The following MED15 variants were observed in gnomAD, a reference collection of about 807,000 sequenced individuals.
MED15 encodes mediator of RNA polymerase II transcription subunit 15.
Under a neutral mutation model 118.7 loss-of-function variants are expected in MED15, and 41 were observed. The ratio of observed to expected loss-of-function variants is 0.35; its 90% CI spans 0.27 to 0.45. The LOEUF (loss-of-function observed/expected upper bound fraction) is 0.45, where lower values mean the gene tolerates loss of function less well. Among genes scored for constraint, MED15 ranks in the 20% least tolerant of loss-of-function variants. MED15 has a pLI of 1.00. For missense variants in MED15, 740 were observed against 1,025.5 expected, an observed-to-expected ratio of 0.72 and a Z score of 3.80; for synonymous variants, 436 against 413.9, an observed-to-expected ratio of 1.05 and a Z score of -0.65.
intron 2 of MED15, among the ~76,000 whole-genome samples, chr22:20,545,579 T>C (rs970699573): frequency 6.6e-6 from 1 of 152,036 alleles, no homozygotes; most frequent in African/African-American, 2.4e-5. Flanking sequence ...ATGTTTTAAA[T>C]GGGTGAATTG....
chr22:20,557,976 G>C (rs1206886741), intron 5 of MED15, among the ~76,000 whole-genome samples: 1 of 152,182 alleles, frequency 6.6e-6, no homozygotes, highest in Non-Finnish European at 1.5e-5. Flanking sequence ...CGTAGTGGTG[G>C]GTGCCTGTAG....
intron 7 of MED15, among the ~76,000 whole-genome samples, chr22:20,568,004 C>T (rs2056505405): frequency 6.6e-6 from 1 of 152,186 alleles, no homozygotes; most frequent in Admixed American, 6.5e-5. Flanking sequence ...CACACCTAGC[C>T]AAATTTTTGT....
At chr22:20,547,993 C>G (rs977589604) in intron 2 of MED15, among the ~76,000 whole-genome samples, 2 of 151,942 alleles carry the variant, frequency 1.3e-5, no homozygotes, top group Admixed American at 1.3e-4. Flanking sequence ...GAGTGAGACC[C>G]CATCTCAAAA....
chr22:20,507,684 C>T lies in MED15; in HGVS notation c.6C>T (p.Asp2=), dbSNP rs1366163193. The part of the protein sequence containing the change: M[D]VSGQETDWRS... ...GCGGGAGCTGGGGAACAGGCATGGA[C>T]GTTTCCGGGCAAGAGACCGACTGGC... Residue 2 remains aspartate, a synonymous_variant, in exon 1 of 18, where the codon GAC becomes GAT. Transcript: ENST00000263205. 6.2e-7 allele frequency: 1 copy of T among 1,614,050 alleles called. No homozygotes were observed. The highest frequency in any genetic ancestry group is 8.5e-7 in the Non-Finnish European group (1 of 1,179,938).
chr22:20,586,878 A>G lies in MED15; in HGVS notation c.*174A>G. On this transcript the variant is annotated 3_prime_UTR_variant, in exon 18 of 18. Transcript: ENST00000263205. The stretch of plus-strand genomic sequence containing the variant: ...AATCCCACACCTGTACAGAACTGGG[A>G]TAGGCGCAGTGGAGCGGGTTGCTTG... 9.6e-7 allele frequency: 1 copy of G among 1,042,142 alleles called. No homozygotes were observed. Among genetic ancestry groups the G allele is most frequent in the Non-Finnish European group, 1.3e-6 (1 of 742,174 alleles). 64.6% of individuals were successfully genotyped at this position (1,042,142 alleles called of 1,614,324 possible).
At chr22:20,544,066 C>T (rs888500593) in intron 2 of MED15, among the ~76,000 whole-genome samples, 3 of 152,256 alleles carry the variant, frequency 2.0e-5, no homozygotes, top group Admixed American at 6.5e-5. Context: ...TTTCATGTTT[C>T]TAACAACATT....
intron 9 of MED15, among the ~76,000 whole-genome samples, chr22:20,579,845 G>A (rs2056926551): frequency 1.3e-5 from 2 of 152,076 alleles, no homozygotes; most frequent in African/African-American, 4.8e-5. Context: ...CAGGTGACAG[G>A]TGGTGTGCAC....
chr22:20,586,788 TAG>T lies in MED15; in HGVS notation c.*89_*90del. ...AGACACTTCTAGGTGTTGGCTTCCT[TAG>T]AGAGCCTGGGGTTAGGTTAGCTTTC... is the stretch of plus-strand genomic sequence containing the variant. On this transcript the variant is annotated 3_prime_UTR_variant, in exon 18 of 18. Coordinates refer to ENST00000263205, the MANE Select transcript of MED15 (RefSeq NM_001003891.3). 4 of 1,555,558 alleles carry T rather than the reference TAG, an allele frequency of 2.6e-6. No individual in the cohort carries two copies. Among genetic ancestry groups the T allele is most frequent in the Non-Finnish European group, 3.5e-6 (4 of 1,149,534 alleles).
intron 8 of MED15, chr22:20,573,911 C>G (rs887381529): frequency 1.3e-5 from 2 of 152,208 alleles, no homozygotes; most frequent in African/African-American, 2.4e-5. Flanking sequence ...TGTCTCCCCC[C>G]GGTCGGTTCA....
At chr22:20,524,921 A>G (rs769801893) in intron 1 of MED15, among the ~76,000 whole-genome samples, 26 of 152,046 alleles carry the variant, frequency 1.7e-4, no homozygotes, top group Non-Finnish European at 3.5e-4. Flanking sequence ...GCCTGTGGCA[A>G]TTTTTTGAGA....
intron 1 of MED15, 151 bp downstream of exon 1, chr22:20,507,897 G>T (rs1453450614): frequency 1.4e-6 from 2 of 1,474,112 alleles, no homozygotes; most frequent in Non-Finnish European, 1.8e-6. Context: ...GGGCCCCCCC[G>T]TCTGTCCCCT....
chr22:20,540,501 G>C (rs1377423031), intron 2 of MED15, among the ~76,000 whole-genome samples: 2 of 152,114 alleles, frequency 1.3e-5, no homozygotes, highest in Non-Finnish European at 2.9e-5. Flanking sequence ...TTGATCCCAG[G>C]AGTTTGAGAT....
At chr22:20,550,775 T>G (rs114815122) in intron 2 of MED15, among the ~76,000 whole-genome samples, 4,584 of 152,354 alleles carry the variant, frequency 0.03, 232 homozygotes, top group African/African-American at 0.1. Flanking sequence ...GGACAATGGG[T>G]GGGAGGCAGC....
chr22:20,585,634 C>G, intron 16 of MED15, 94 bp from the exon 17 acceptor site: 1 of 1,189,494 alleles, frequency 8.4e-7, no homozygotes, highest in Non-Finnish European at 1.2e-6. Flanking sequence ...TCACCAGAAC[C>G]TCCCTGGGTG....
chr22:20,518,829 G>A (rs2054342588), intron 1 of MED15: 2 of 452,220 alleles, frequency 4.4e-6, no homozygotes, highest in Non-Finnish European at 8.8e-6. Flanking sequence ...GCTTGTGATG[G>A]TTGATTTTCT....
rs768075084 is a variant in MED15, at chr22:20,574,943, T to C, written c.1153-170T>C. 10 of 816,002 alleles carry C rather than the reference T, an allele frequency of 1.2e-5. 1 individual carries two copies. The highest frequency in any genetic ancestry group is 1.8e-5 in the Non-Finnish European group (9 of 504,284). 50.5% of individuals were successfully genotyped at this position (816,002 alleles called of 1,614,324 possible). A position where few individuals can be genotyped will look rare whatever the true frequency, so the allele number is the denominator to read the frequency against. On this transcript the variant is annotated intron_variant, in intron 8 of 17. Transcript: ENST00000263205. ...AATGCCCAGACAGACCTGGAGGTGC[T>C]GTGGGCTTGAACATGTGGGTGGCCT...
chr22:20,547,494 G>A (rs983935301), intron 2 of MED15, among the ~76,000 whole-genome samples: 3 of 152,274 alleles, frequency 2.0e-5, no homozygotes, highest in Middle Eastern at 3.4e-3. Context: ...AGACAAGCCG[G>A]CCAACATGGC....
rs753427910 is a variant in MED15, at chr22:20,582,692, C to A, written c.1354C>A (p.Pro452Thr). ...GACCCCGCAGTCGATGCCCCCTCCC[C>A]CCCAGCCGTCCCCGCAGCCCGGCCA... ...VQTPQSMPPP[P>T]QPSPQPGQPS... The change falls in exon 10 of 18, where the codon CCC becomes ACC. Residue 452 changes from proline (P) to threonine (T), a missense_variant. Pro to Thr is a conservative substitution (Grantham distance 38). Coordinates refer to ENST00000263205, the MANE Select transcript of MED15 (RefSeq NM_001003891.3). 2 of 1,597,610 alleles carry A rather than the reference C, an allele frequency of 1.3e-6. No individual in the cohort carries two copies.
At chr22:20,563,582 G>C (rs2056322602) in intron 5 of MED15, among the ~76,000 whole-genome samples, 1 of 152,208 alleles carries the variant, frequency 6.6e-6, no homozygotes, top group Non-Finnish European at 1.5e-5. Context: ...GTAGTGTATT[G>C]ACTGGTGGTG....
Sources: gnomAD v4.1 joint callset for allele counts (sites outside exome capture counted in the v4.1 genomes callset) on GRCh38, gnomAD v4.1.1 for gene constraint, MANE v1.5 for transcripts, NCBI Gene and HGNC (gene_info 2026-07-23, HGNC 2026-07-21) for gene names.